CYP2U1: variants seen among roughly 807,000 people sequenced by gnomAD.
CYP2U1 encodes the protein cytochrome P450 family 2 subfamily U member 1, also known as cytochrome P450 2U1.
In CYP2U1, 28 loss-of-function variants were observed where a neutral mutation model predicts 42.8. The ratio of observed to expected loss-of-function variants is 0.65; its 90% CI spans 0.48 to 0.90. The LOEUF (loss-of-function observed/expected upper bound fraction) is 0.90. Ranked by LOEUF, CYP2U1 falls within the 40% of genes least tolerant of loss-of-function variation. CYP2U1 has a pLI of 0.00. For missense variants in CYP2U1, 642 were observed against 693.8 expected (o/e 0.93, Z 0.84); for synonymous variants, 296 against 278.9 (o/e 1.06, Z -0.61).
chr4:107,935,877 TTA>T (rs1258847034), intron 1 of CYP2U1: 1 of 152,150 alleles, frequency 6.6e-6, no homozygotes, highest in East Asian at 1.9e-4. Context: ...AGAAAAGAAA[TTA>T]TGTTAGGAAT....
rs372979464 is a variant in CYP2U1, at chr4:107,947,420, G to C, written c.1171G>C (p.Ala391Pro). 2 of 1,614,130 alleles carry C rather than the reference G, an allele frequency of 1.2e-6. No homozygotes were observed. Among genetic ancestry groups the C allele is most frequent in the Non-Finnish European group, 1.7e-6 (2 of 1,180,004 alleles). Reference protein sequence around the residue: ...EIERVIGANRAPSLTDKAQMP... With the variant: ...EIERVIGANRPPSLTDKAQMP... ...TGAAAGAGTCATTGGCGCCAACCGA[G>C]CTCCTTCCCTCACAGACAAGGCCCA... The change falls in exon 3 of 5, where the codon GCT (alanine) becomes CCT (proline). Residue 391 changes from alanine (A) to proline (P), a missense_variant. By Grantham distance (27) the Ala-to-Pro change is conservative (BLOSUM62 -1). Transcript: ENST00000332884.
chr4:107,946,476 G>A (rs1018877750), intron 2 of CYP2U1, among the ~76,000 whole-genome samples: 18 of 151,786 alleles, frequency 1.2e-4, no homozygotes, highest in African/African-American at 4.4e-4. Flanking sequence ...AGTCCCTTTT[G>A]CCATGTAAGG....
At chr4:107,941,552 A>G (rs560030689) in intron 1 of CYP2U1, among the ~76,000 whole-genome samples, 2 of 152,110 alleles carry the variant, frequency 1.3e-5, no homozygotes, top group Non-Finnish European at 2.9e-5. Flanking sequence ...CAAATGTCAA[A>G]TGTCAAATAT....
chr4:107,944,485 A>T (rs957715047), intron 1 of CYP2U1, among the ~76,000 whole-genome samples: 5 of 135,068 alleles, frequency 3.7e-5, no homozygotes, highest in African/African-American at 8.0e-5. Context: ...TTTTTTTTTT[A>T]AATAGAGATG....
At chr4:107,944,030 A>G (rs2126198159) in intron 1 of CYP2U1, among the ~76,000 whole-genome samples, 1 of 152,340 alleles carries the variant, frequency 6.6e-6, no homozygotes, top group East Asian at 1.9e-4. Context: ...GCTGCCGACA[A>G]CAGACATTTT....
At chr4:107,940,260 T>TTA (rs1560698306) in intron 1 of CYP2U1, 2 of 151,178 alleles carry the variant, frequency 1.3e-5, no homozygotes, top group Non-Finnish European at 2.9e-5. Flanking sequence ...AAATTTTTTT[T>TTA]TTATTTTTTA....
intron 1 of CYP2U1, among the ~76,000 whole-genome samples, chr4:107,942,237 C>A (rs1422977337): frequency 1.3e-5 from 2 of 152,104 alleles, no homozygotes; most frequent in Non-Finnish European, 2.9e-5. Context: ...TGAACCCAAG[C>A]CCTCCCAGGA....
At position 107,952,838 on chromosome 4, in the gene CYP2U1, A is replaced by G. The variant is rs1733956527; in HGVS notation, c.*2415A>G. The G allele has an allele frequency of 6.6e-6, 1 of 152,212 alleles. No homozygotes were observed. Among genetic ancestry groups the G allele is most frequent in the Non-Finnish European group, 1.5e-5 (1 of 68,032 alleles). The allele number at this position is 152,212 out of a possible 1,614,324, so 9.4% of individuals were successfully genotyped here. On this transcript the variant is annotated 3_prime_UTR_variant, in exon 5 of 5. Transcript: ENST00000332884. ...ATTTTTGACTCTACATTCTTTATCT[A>G]CCATACTGCTCTTTTCCTTTTTAGA...
rs1244036703 is a variant in CYP2U1, at chr4:107,953,178, T to C, written c.*2755T>C. ...ATTCCTAACCAAATAGTTTATAGCTTATTGAGAAGAAGTCTGTTCTTGGAG... is the reference window on the plus strand; with the variant it reads ...ATTCCTAACCAAATAGTTTATAGCTCATTGAGAAGAAGTCTGTTCTTGGAG... On this transcript the variant is annotated 3_prime_UTR_variant, in exon 5 of 5. Transcript: ENST00000332884. 5 of 152,206 alleles carry C rather than the reference T, an allele frequency of 3.3e-5. No homozygotes were observed. Among genetic ancestry groups the C allele is most frequent in the Non-Finnish European group, 7.3e-5 (5 of 68,038 alleles). 9.4% of individuals were successfully genotyped at this position (152,206 alleles called of 1,614,324 possible).
At position 107,931,629 on chromosome 4, in the gene CYP2U1, G is replaced by A; in HGVS notation, c.-15G>A. The A allele has an allele frequency of 8.0e-7, 1 of 1,251,936 alleles. No individual in the cohort carries two copies. Among genetic ancestry groups the A allele is most frequent in the Non-Finnish European group, 1.0e-6 (1 of 1,001,762 alleles). 77.6% of individuals were successfully genotyped at this position (1,251,936 alleles called of 1,614,324 possible). A position where few individuals can be genotyped will look rare whatever the true frequency, so the allele number is the denominator to read the frequency against. On this transcript the variant is annotated 5_prime_UTR_variant, in exon 1 of 5. Coordinates refer to ENST00000332884, the MANE Select transcript of CYP2U1 (RefSeq NM_183075.3). ...CAGGCAGCAAGGGGAACCCGAGGCCGCCGGCGCCCGGACCATGTCGTCTCC... is the reference window on the plus strand; with the variant it reads ...CAGGCAGCAAGGGGAACCCGAGGCCACCGGCGCCCGGACCATGTCGTCTCC...
rs572303858 is a variant in CYP2U1 at position 107,939,863 on chromosome 4, G to T, written c.491-5107G>T. Among the ~76,000 whole-genome samples the T allele has an allele frequency of 7.9e-5, 12 of 152,162 alleles. No homozygotes were observed. In the South Asian group the frequency reaches 2.5e-3, roughly 32 times the overall value. The stretch of plus-strand genomic sequence containing the variant: ...GGGATGGGGGGTGGGGAAGAGATAT[G>T]GCCTGGCAAAATGAAAAGTTGCTTC... On this transcript the variant is annotated intron_variant, in intron 1 of 4. Coordinates refer to ENST00000332884, the MANE Select transcript of CYP2U1 (RefSeq NM_183075.3).
chr4:107,948,169 G>A (rs938095330), intron 3 of CYP2U1, among the ~76,000 whole-genome samples: 3 of 151,072 alleles, frequency 2.0e-5, no homozygotes, highest in Admixed American at 6.6e-5. Context: ...TCAGGAGGCT[G>A]AGGCAGGAGA....
intron 1 of CYP2U1, among the ~76,000 whole-genome samples, chr4:107,944,528 A>G (rs1212663794): frequency 6.7e-6 from 1 of 149,192 alleles, no homozygotes; most frequent in East Asian, 2.0e-4. Flanking sequence ...CTGGTCTGGA[A>G]CTCCTGGCTT....
chr4:107,932,272 G>A, intron 1 of CYP2U1, 139 bp downstream of exon 1: 1 of 1,394,524 alleles, frequency 7.2e-7, no homozygotes, highest in Non-Finnish European at 9.4e-7. Context: ...ACTAACAGGT[G>A]ATGGTGGTGG....
chr4:107,937,785 G>T (rs1020613271), intron 1 of CYP2U1: 1 of 152,054 alleles, frequency 6.6e-6, no homozygotes, highest in African/African-American at 2.4e-5. Context: ...GATTACAGAC[G>T]TGAGCCACCG....
rs1288488298 is a variant in CYP2U1, at chr4:107,953,199, T to C, written c.*2776T>C. The C allele has an allele frequency of 2.0e-5, 3 of 152,198 alleles. No individual in the cohort carries two copies. Among genetic ancestry groups the C allele is most frequent in the Admixed American group, 2.0e-4 (3 of 15,276 alleles). 9.4% of individuals were successfully genotyped at this position (152,198 alleles called of 1,614,324 possible). ...AGCTTATTGAGAAGAAGTCTGTTCT[T>C]GGAGAGATGTTGAAATTAGATGTTT... On this transcript the variant is annotated 3_prime_UTR_variant, in exon 5 of 5. Coordinates refer to ENST00000332884, the MANE Select transcript of CYP2U1 (RefSeq NM_183075.3).
At chr4:107,941,861 T>C (rs1733506876) in intron 1 of CYP2U1, among the ~76,000 whole-genome samples, 1 of 152,158 alleles carries the variant, frequency 6.6e-6, no homozygotes, top group Non-Finnish European at 1.5e-5. Flanking sequence ...ACACCCTGGC[T>C]TGTTTTAGGA....
At chr4:107,933,452 G>A (rs1466115395) in intron 1 of CYP2U1, among the ~76,000 whole-genome samples, 1 of 152,228 alleles carries the variant, frequency 6.6e-6, no homozygotes, top group Non-Finnish European at 1.5e-5. Context: ...GCATGTAGTG[G>A]ATGAGGTGTG....
Position 107,944,175 on chromosome 4 carries a change from T to C in CYP2U1, c.491-795T>C, listed in dbSNP as rs187351546. On this transcript the variant is annotated intron_variant, in intron 1 of 4. Transcript: ENST00000332884. Reference sequence around the variant, plus strand: ...CACTATGCCAGAAGCTGGATTTTAATGGTGAGCACAATGAGATATGGTCTG... The same window carrying C: ...CACTATGCCAGAAGCTGGATTTTAACGGTGAGCACAATGAGATATGGTCTG... Among the ~76,000 whole-genome samples the C allele has an allele frequency of 3.3e-3, 504 of 152,334 alleles. 3 individuals carry two copies. The highest frequency in any genetic ancestry group is 0.012 in the African/African-American group (489 of 41,576).
Sources: allele counts gnomAD v4.1 joint callset (sites outside exome capture counted in the v4.1 genomes callset), GRCh38; gene constraint gnomAD v4.1.1; transcripts MANE v1.5; gene names NCBI Gene and HGNC (gene_info 2026-07-23, HGNC 2026-07-21).